The following NUP98 variants were observed in gnomAD, a reference collection of about 807,000 sequenced individuals.
NUP98 encodes the protein nucleoporin 98 and 96 precursor.
In NUP98, 26 loss-of-function variants were observed where a neutral mutation model predicts 191.9. The ratio of observed to expected loss-of-function variants is 0.14; its 90% CI spans 0.10 to 0.19. NUP98 has a LOEUF of 0.19. NUP98 is among the 10% of genes least tolerant of loss of function. NUP98 has a pLI of 1.00. For synonymous variants in NUP98, 808 were observed against 778.4 expected (o/e 1.04, Z -0.63); for missense variants, 1,941 against 2,178.8 (o/e 0.89, Z 2.17).
chr11:3,779,401 G>A, intron 2 of NUP98, 144 bp from the exon 3 acceptor site: 1 of 717,468 alleles, frequency 1.4e-6, no homozygotes, highest in East Asian at 2.6e-5. Context: ...CAGCACTTTG[G>A]GAGGCCGAGG....
chr11:3,697,820 T>TAAAAAAAAAAAAAAAAAAAAAA (rs199874258), intron 25 of NUP98, among the ~76,000 whole-genome samples: 1 of 97,156 alleles, frequency 1.0e-5, no homozygotes, highest in African/African-American at 3.9e-5. Context: ...GACTCTGTCT[T>TAAAAAAAAAAAAAAAAAAAAAA]AAAAAAAAAA....
intron 18 of NUP98, among the ~76,000 whole-genome samples, chr11:3,716,561 T>A (rs1203393089): frequency 2.0e-5 from 3 of 150,644 alleles, no homozygotes; most frequent in African/African-American, 7.3e-5. Flanking sequence ...ATACAAAAAT[T>A]AGCCGGGCGT....
intron 22 of NUP98, 117 bp from the exon 23 acceptor site, chr11:3,703,009 T>C (rs2078757122): frequency 1.2e-6 from 1 of 850,368 alleles, no homozygotes; most frequent in Non-Finnish European, 1.8e-6. Context: ...TCAAACTACT[T>C]ATATCAGATG....
intron 7 of NUP98, among the ~76,000 whole-genome samples, chr11:3,770,077 G>A (rs1340061449): frequency 6.6e-6 from 1 of 151,414 alleles, no homozygotes; most frequent in Non-Finnish European, 1.5e-5. Context: ...TGGCACCATG[G>A]CTCACGCCTA....
Position 3,797,466 on chromosome 11 carries a change from G to T in NUP98, c.-95C>A, listed in dbSNP as rs1019450683. The T allele has an allele frequency of 4.7e-6, 2 of 424,160 alleles. No homozygotes were observed. Among genetic ancestry groups the T allele is most frequent in the African/African-American group, 4.1e-5 (2 of 48,692 alleles). The allele number at this position is 424,160 out of a possible 1,614,324, so 26.3% of individuals were successfully genotyped here. ...TGCCACCCGCCGCTCACAGAGCAGCGCGCGGCCCCCACGAAACCGTCGCCG... is the reference window on the plus strand; with the variant it reads ...TGCCACCCGCCGCTCACAGAGCAGCTCGCGGCCCCCACGAAACCGTCGCCG... On this transcript the variant is annotated 5_prime_UTR_variant, in exon 1 of 33. Transcript: ENST00000324932.
At chr11:3,752,883 A>C (rs1001652436) in intron 11 of NUP98, among the ~76,000 whole-genome samples, 1 of 152,182 alleles carries the variant, frequency 6.6e-6, no homozygotes, top group Non-Finnish European at 1.5e-5. Context: ...TCTATATGAC[A>C]ATGGAACTAA....
Position 3,706,478 on chromosome 11 carries a change from T to G in NUP98, c.2892A>C (p.Ala964=), listed in dbSNP as rs779657778. ...CATGTGGATTAATTCCCAGTGAAGA[T>G]GCAATATGTGTTGAGGCAGACACAG... The part of the protein sequence containing the change: ...QEPVSASTHI[A]SSLGINPHVL... Residue 964 remains alanine (A), a synonymous_variant, in exon 21 of 33, where the codon GCA becomes GCC. Transcript: ENST00000324932. 3 of 1,614,126 alleles carry G rather than the reference T, an allele frequency of 1.9e-6. No individual in the cohort carries two copies. The highest frequency in any genetic ancestry group is 1.3e-5 in the African/African-American group (1 of 75,032).
At chr11:3,702,324 CTCTCTCTCTCTCTCTCTCT>C (rs1305363028) in intron 23 of NUP98, 120 bp downstream of exon 23, 76 of 152,516 alleles carry the variant, frequency 5.0e-4, no homozygotes, top group African/African-American at 9.9e-4. Flanking sequence ...CTCTCTCTCT[CTCTCTCTCTCTCTCTCTCT>C]CTCTCTCTCT....
At chr11:3,747,841 C>T (rs1272003161) in intron 11 of NUP98, among the ~76,000 whole-genome samples, 8 of 152,106 alleles carry the variant, frequency 5.3e-5, no homozygotes, top group Non-Finnish European at 7.3e-5. Context: ...AGTTCAGGAA[C>T]GTGGGTGTTT....
At chr11:3,720,675 C>T in intron 17 of NUP98, 37 bp downstream of exon 17, 2 of 1,128,088 alleles carry the variant, frequency 1.8e-6, no homozygotes, top group Non-Finnish European at 2.7e-6. Flanking sequence ...AGGTGCAACT[C>T]TCTGGCTTAA....
intron 30 of NUP98, among the ~76,000 whole-genome samples, chr11:3,680,843 C>T (rs957560368): frequency 4.0e-5 from 6 of 151,892 alleles, no homozygotes; most frequent in Admixed American, 1.3e-4. Context: ...CCACCATGCC[C>T]GGACCCAAAT....
At chr11:3,752,496 G>A (rs970409981) in intron 11 of NUP98, among the ~76,000 whole-genome samples, 3 of 151,310 alleles carry the variant, frequency 2.0e-5, no homozygotes, top group Admixed American at 2.0e-4. Context: ...CAGCCTGAAC[G>A]ACAGAGTGAG....
intron 19 of NUP98, among the ~76,000 whole-genome samples, chr11:3,713,446 A>AG (rs2079080145): frequency 6.6e-6 from 1 of 152,162 alleles, no homozygotes; most frequent in African/African-American, 2.4e-5. Context: ...GGCTGGGTAT[A>AG]GTGGCTTACA....
intron 12 of NUP98, among the ~76,000 whole-genome samples, chr11:3,735,788 T>C (rs61877584): frequency 0.054 from 7,612 of 141,206 alleles, 255 homozygotes; most frequent in Middle Eastern, 0.11. Flanking sequence ...TGTGTGTGTG[T>C]GTAATTGTCT....
At chr11:3,760,462 G>C (rs2081127245) in intron 10 of NUP98, 77 bp downstream of exon 10, 2 of 1,609,174 alleles carry the variant, frequency 1.2e-6, no homozygotes, top group South Asian at 1.1e-5. Flanking sequence ...AACTTTAAGA[G>C]AGCCAAACCT....
At chr11:3,773,866 AG>A (rs2081613634) in intron 5 of NUP98, 127 bp from the exon 6 acceptor site, 1 of 553,092 alleles carries the variant, frequency 1.8e-6, no homozygotes. Context: ...GATGGTTTCA[AG>A]GGTGCTTGAT....
intron 5 of NUP98, among the ~76,000 whole-genome samples, chr11:3,775,232 A>G (rs546089245): frequency 2.8e-4 from 43 of 152,276 alleles, no homozygotes; most frequent in Non-Finnish European, 5.4e-4. Context: ...TTATTCCCAT[A>G]AAGATTAGTT....
At chr11:3,795,164 G>T (rs1244108204) in intron 1 of NUP98, among the ~76,000 whole-genome samples, 4 of 152,152 alleles carry the variant, frequency 2.6e-5, no homozygotes, top group African/African-American at 9.7e-5. Context: ...GTACTGGCTG[G>T]GCACAGTGGC....
At chr11:3,738,059 A>C (rs2080137097) in intron 12 of NUP98, among the ~76,000 whole-genome samples, 1 of 149,348 alleles carries the variant, frequency 6.7e-6, no homozygotes, top group Non-Finnish European at 1.5e-5. Context: ...TCGTTTAACA[A>C]GTACAAATCA....
Sources: gnomAD v4.1 joint callset for allele counts (sites outside exome capture counted in the v4.1 genomes callset) on GRCh38, gnomAD v4.1.1 for gene constraint, MANE v1.5 for transcripts, NCBI Gene and HGNC (gene_info 2026-07-23, HGNC 2026-07-21) for gene names.